The following CDH12 variants were observed in gnomAD, a reference collection of about 807,000 sequenced individuals.
CDH12 encodes the protein cadherin 12, also known as cadherin-12.
Under a neutral mutation model 74.1 loss-of-function variants are expected in CDH12, and 41 were observed. That is an observed-to-expected ratio of 0.55 (90% CI 0.43 to 0.72). The LOEUF is 0.72. Among genes scored for constraint, CDH12 ranks in the 30% least tolerant of loss-of-function variants. CDH12 has a pLI of 0.00. For synonymous variants in CDH12, 399 were observed against 355.0 expected (o/e 1.12, Z -1.39); for missense variants, 945 against 977.2 (o/e 0.97, Z 0.44).
At chr5:21,823,111 T>C (rs1748463315) in intron 8 of CDH12, among the ~76,000 whole-genome samples, 1 of 152,018 alleles carries the variant, frequency 6.6e-6, no homozygotes, top group Non-Finnish European at 1.5e-5. Flanking sequence ...AAGACAAGTG[T>C]TTTTCTTGAT....
chr5:22,704,015 G>C (rs1462364277), intron 1 of CDH12, among the ~76,000 whole-genome samples: 1 of 152,080 alleles, frequency 6.6e-6, no homozygotes. Context: ...CCAAAGGCGG[G>C]GACATCTAAT....
intron 1 of CDH12, among the ~76,000 whole-genome samples, chr5:22,748,322 C>T (rs1229584975): frequency 6.6e-6 from 1 of 151,736 alleles, no homozygotes; most frequent in Non-Finnish European, 1.5e-5. Flanking sequence ...TGATGGAATA[C>T]ACAAGACATA....
chr5:22,499,040 A>C (rs1580709791), intron 2 of CDH12, among the ~76,000 whole-genome samples: 1 of 149,242 alleles, frequency 6.7e-6, no homozygotes, highest in Non-Finnish European at 1.5e-5. Flanking sequence ...AGTACCGGGG[A>C]TTACAGGCAC....
chr5:22,824,298 C>A (rs1355555382), intron 1 of CDH12, among the ~76,000 whole-genome samples: 1 of 151,884 alleles, frequency 6.6e-6, no homozygotes, highest in Non-Finnish European at 1.5e-5. Context: ...AATTCTCAAG[C>A]ATATATTTAA....
chr5:22,130,751 T>C (rs1746135196), intron 4 of CDH12, among the ~76,000 whole-genome samples: 1 of 152,074 alleles, frequency 6.6e-6, no homozygotes, highest in Non-Finnish European at 1.5e-5. Context: ...CAATAAAACA[T>C]ATATTAAATT....
intron 1 of CDH12, among the ~76,000 whole-genome samples, chr5:22,670,585 G>A (rs140128049): frequency 6.6e-6 from 1 of 151,914 alleles, no homozygotes; most frequent in East Asian, 1.9e-4. Context: ...TATACCACAG[G>A]AGGTTATTAA....
intron 1 of CDH12, among the ~76,000 whole-genome samples, chr5:22,654,331 C>T (rs1003122815): frequency 6.0e-5 from 9 of 151,234 alleles, no homozygotes; most frequent in African/African-American, 1.9e-4. Context: ...CTCTTGTCAC[C>T]CAGGCTGGAG....
chr5:21,821,687 T>A (rs774323128), intron 8 of CDH12, among the ~76,000 whole-genome samples: 1 of 151,886 alleles, frequency 6.6e-6, no homozygotes, highest in Admixed American at 6.6e-5. Flanking sequence ...TAAACATTTT[T>A]AAAAACTCAA....
At chr5:22,408,365 C>G (rs1743026822) in intron 2 of CDH12, among the ~76,000 whole-genome samples, 2 of 151,190 alleles carry the variant, frequency 1.3e-5, no homozygotes, top group Admixed American at 1.3e-4. Flanking sequence ...TGTCCTCGGT[C>G]TCTGTCCTTT....
intron 3 of CDH12, among the ~76,000 whole-genome samples, chr5:22,345,097 C>T (rs1440910914): frequency 6.6e-6 from 1 of 152,182 alleles, no homozygotes; most frequent in African/African-American, 2.4e-5. Flanking sequence ...CTTAACAGCG[C>T]ACTGCAACAT....
rs1745801381 is a variant in CDH12, at chr5:21,779,688, T to C, written c.1393+3670A>G. Among the ~76,000 whole-genome samples, 3 of 152,206 alleles carry C rather than the reference T, an allele frequency of 2.0e-5. No individual in the cohort carries two copies. The South Asian group carries it at 6.2e-4, about 32-fold the overall frequency. On this transcript the variant is annotated intron_variant, in intron 11 of 14. Transcript: ENST00000382254. ...GGGTCAGAGCCAAAACATATGCTAG[T>C]TCAATTTGCAATAAGGTATACTTAA...
intron 3 of CDH12, among the ~76,000 whole-genome samples, chr5:22,283,233 T>TATATATATAG (rs1554027668): frequency 2.2e-4 from 5 of 22,420 alleles, no homozygotes; most frequent in African/African-American, 6.8e-4. Flanking sequence ...TATATATATA[T>TATATATATAG]ATATATATAT....
chr5:22,539,260 G>C (rs1737992428), intron 1 of CDH12, among the ~76,000 whole-genome samples: 1 of 152,144 alleles, frequency 6.6e-6, no homozygotes, highest in Admixed American at 6.6e-5. Flanking sequence ...ACACTAAGAA[G>C]GAGTCTTTCT....
chr5:22,399,357 G>A (rs1024811056), intron 3 of CDH12, among the ~76,000 whole-genome samples: 1 of 151,912 alleles, frequency 6.6e-6, no homozygotes, highest in Non-Finnish European at 1.5e-5. Context: ...TAATTTTTTT[G>A]AGAATTGTAT....
At chr5:22,545,926 TTTGTTGTTG>T (rs57476797) in intron 1 of CDH12, among the ~76,000 whole-genome samples, 10 of 151,216 alleles carry the variant, frequency 6.6e-5, no homozygotes, top group Non-Finnish European at 1.0e-4. Context: ...TGTCTAGATT[TTTGTTGTTG>T]TTGTTGTTGT....
intron 2 of CDH12, among the ~76,000 whole-genome samples, chr5:22,447,947 C>T (rs1241944309): frequency 2.8e-5 from 4 of 142,666 alleles, no homozygotes; most frequent in Non-Finnish European, 4.5e-5. Flanking sequence ...TCAAGACCAA[C>T]CTGGGCAACA....
chr5:22,153,233 C>T (rs1168176797), intron 4 of CDH12, among the ~76,000 whole-genome samples: 4 of 149,900 alleles, frequency 2.7e-5, no homozygotes, highest in Non-Finnish European at 5.9e-5. Context: ...AGTGGCTGCA[C>T]CAATCTATAT....
At chr5:22,125,556 T>C (rs1745806690) in intron 4 of CDH12, among the ~76,000 whole-genome samples, 2 of 152,214 alleles carry the variant, frequency 1.3e-5, no homozygotes, top group African/African-American at 4.8e-5. Flanking sequence ...TTTTGTTTCT[T>C]TAGCGGCTTA....
chr5:21,760,379 A>T lies in CDH12; in HGVS notation c.1633+179T>A, dbSNP rs543432386. Among the ~76,000 whole-genome samples, 10 of 152,246 alleles carry T rather than the reference A, an allele frequency of 6.6e-5. No individual in the cohort carries two copies. The East Asian group carries it at 1.9e-3, about 29-fold the overall frequency. On this transcript the variant is annotated intron_variant, in intron 13 of 14. Coordinates refer to ENST00000382254, the MANE Select transcript of CDH12 (RefSeq NM_004061.5). The stretch of plus-strand genomic sequence containing the variant: ...TACAATGCAAGCAACCTGCCTTACT[A>T]GACAGTCTGTATAGATTAAATATTT...
Sources: allele counts gnomAD v4.1 joint callset (sites outside exome capture counted in the v4.1 genomes callset), GRCh38; gene constraint gnomAD v4.1.1; transcripts MANE v1.5; gene names NCBI Gene and HGNC (gene_info 2026-07-23, HGNC 2026-07-21).